Variants in NUMA1 observed in about 807,000 individuals in gnomAD.
NUMA1 encodes nuclear mitotic apparatus protein 1.
A neutral mutation model predicts 237.1 loss-of-function variants in NUMA1; 62 were observed. The observed-to-expected ratio is 0.26, with a 90% CI of 0.21 to 0.32. The LOEUF (loss-of-function observed/expected upper bound fraction) is 0.32, where lower values mean the gene tolerates loss of function less well. Among genes scored for constraint, NUMA1 ranks in the 10% least tolerant of loss-of-function variants. NUMA1 has a pLI of 1.00. For synonymous variants in NUMA1, 1,028 were observed against 1,066.1 expected (o/e 0.96, Z 0.70); for missense variants, 2,533 against 2,666.5 (o/e 0.95, Z 1.10).
chr11:72,077,070 A>G (rs1355099432), intron 1 of NUMA1, among the ~76,000 whole-genome samples: 1 of 152,216 alleles, frequency 6.6e-6, no homozygotes, highest in Admixed American at 6.5e-5. Flanking sequence ...ACTAGAAGAT[A>G]GATATAAGGA....
At chr11:72,060,944 C>T (rs1164098675) in intron 2 of NUMA1, among the ~76,000 whole-genome samples, 4 of 152,254 alleles carry the variant, frequency 2.6e-5, no homozygotes, top group Non-Finnish European at 5.9e-5. Flanking sequence ...GTGGCGTGTG[C>T]CTGTAATCCC....
intron 26 of NUMA1, 168 bp downstream of exon 26, chr11:72,003,719 C>G (rs531620960): frequency 1.0e-6 from 1 of 972,876 alleles, no homozygotes; most frequent in Non-Finnish European, 1.6e-6. Flanking sequence ...AGAATGGGGC[C>G]ATCTGTCTTC....
rs1243981622 is a variant in NUMA1, at chr11:72,005,211, GCA to G, written c.5829+20_5829+21del. 1 of 1,572,786 alleles carries G rather than the reference GCA, an allele frequency of 6.4e-7. No individual in the cohort carries two copies. Among genetic ancestry groups the G allele is most frequent in the African/African-American group, 1.4e-5 (1 of 72,344 alleles). On this transcript the variant is annotated intron_variant, in intron 23 of 26. Transcript: ENST00000393695. Reference sequence around the variant, plus strand: ...AGGGAGGGCAGGGATGGGAGGCCCTGCACAGTGACCCCAGGCCTCACCCTGGA... The same window carrying G: ...AGGGAGGGCAGGGATGGGAGGCCCTGCAGTGACCCCAGGCCTCACCCTGGA...
Position 72,022,192 on chromosome 11 carries a change from G to A in NUMA1, c.372+147C>T, listed in dbSNP as rs1278899429. The A allele has an allele frequency of 1.2e-5, 7 of 582,378 alleles. 1 individual carries two copies. The highest frequency in any genetic ancestry group is 7.1e-5 in the South Asian group (3 of 42,256). The allele number at this position is 582,378 out of a possible 1,614,324, so 36.1% of individuals were successfully genotyped here. A position where few individuals can be genotyped will look rare whatever the true frequency, so the allele number is the denominator to read the frequency against. ...TATTTCCTCCTGCATGCTTTTCAACGTTTCCCAGACTTTCTATGATGAATG... is the reference window on the plus strand; with the variant it reads ...TATTTCCTCCTGCATGCTTTTCAACATTTCCCAGACTTTCTATGATGAATG... On this transcript the variant is annotated intron_variant, in intron 7 of 26. Coordinates refer to ENST00000393695, the MANE Select transcript of NUMA1 (RefSeq NM_006185.4).
Position 72,013,452 on chromosome 11 carries a change from T to C in NUMA1, c.4051A>G (p.Thr1351Ala), listed in dbSNP as rs752450219. The change falls in exon 15 of 27, where the codon ACC becomes GCC. Residue 1351 changes from threonine to alanine, a missense_variant. By Grantham distance (58) the Thr-to-Ala change is moderately conservative (BLOSUM62 0). Coordinates refer to ENST00000393695, the MANE Select transcript of NUMA1 (RefSeq NM_006185.4). This position sits in a 1 kb window ranked among gnomAD's most constrained non-coding sequence, Gnocchi z 6.8. ...TCACTCACCAGGGCCTGTGTGCTGG[T>C]GTGCTCGAGCTGCAGGGTGGAGAGG... is the stretch of plus-strand genomic sequence containing the variant. ...QALSTLQLEHTSTQALVSELL... is the reference protein window; with the variant it reads ...QALSTLQLEHASTQALVSELL... The C allele has an allele frequency of 6.8e-6, 11 of 1,613,220 alleles. No homozygotes were observed. The highest frequency in any genetic ancestry group is 3.3e-5 in the Admixed American group (2 of 60,016).
chr11:72,078,209 T>C (rs1246622778), intron 1 of NUMA1, among the ~76,000 whole-genome samples: 2 of 152,186 alleles, frequency 1.3e-5, no homozygotes, highest in Non-Finnish European at 2.9e-5. Context: ...TTGTTCAGCT[T>C]AGAGATGGAT....
chr11:72,003,944 G>A lies in NUMA1; in HGVS notation c.6279C>T (p.Thr2093=), dbSNP rs114134799. The A allele has an allele frequency of 8.0e-4, 1,283 of 1,613,646 alleles. 3 individuals carry two copies. The African/African-American group carries it at 0.015, about 19-fold the overall frequency. ...GTRRSPRIAT[T]TASAATAAAI... ...CGGCAGCAGTGGCGGCGCTGGCTGT[G>A]GTGGTGGCAATGCGCGGAGAACGGC... The change falls in exon 26 of 27, where the codon ACC becomes ACT. Residue 2093 remains threonine (T), a synonymous_variant. Transcript: ENST00000393695.
chr11:72,012,844 C>CGCT lies in NUMA1; in HGVS notation c.4608+50_4608+51insAGC, dbSNP rs753595375. The CGCT allele has an allele frequency of 7.6e-6, 12 of 1,584,372 alleles. No individual in the cohort carries two copies. In the South Asian group the frequency reaches 1.2e-4, roughly 15 times the overall value. On this transcript the variant is annotated intron_variant, in intron 15 of 26. Coordinates refer to ENST00000393695, the MANE Select transcript of NUMA1 (RefSeq NM_006185.4). Reference sequence around the variant, plus strand: ...CCTGGACACAGAGGATCGATGTCCCCGCGCTCTCAGCTCCTGATCTTTGGG... The same window carrying CGCT: ...CCTGGACACAGAGGATCGATGTCCCCGCTGCGCTCTCAGCTCCTGATCTTTGGG...
At chr11:72,033,413 C>A (rs1227393810) in intron 3 of NUMA1, among the ~76,000 whole-genome samples, 1 of 149,098 alleles carries the variant, frequency 6.7e-6, no homozygotes, top group Admixed American at 6.9e-5. Flanking sequence ...ACTCTATTGT[C>A]CAGGCCGGAG....
In NUMA1 at chr11:72,016,482, G is replaced by T; in HGVS notation, c.1168C>A (p.Leu390Met). The change falls in exon 14 of 27, where the codon CTG becomes ATG. Residue 390 changes from leucine to methionine, a missense_variant. By Grantham distance (15) the Leu-to-Met change is conservative (BLOSUM62 2). This residue lies in a region of NUMA1 where 1,414 missense variants were observed against 1,508.1 expected (regional missense o/e 0.94). Coordinates refer to ENST00000393695, the MANE Select transcript of NUMA1 (RefSeq NM_006185.4). ...TGCAGCTGGGACAAGTGTTCTTCCA[G>T]CTGTGAAAGTTTTCCCTGAAGGATT... ...NEILQGKLSQ[L>M]EEHLSQLQDN... The T allele has an allele frequency of 1.2e-6, 2 of 1,614,098 alleles. No individual in the cohort carries two copies. The highest frequency in any genetic ancestry group is 1.7e-6 in the Non-Finnish European group (2 of 1,180,032).
At chr11:72,009,701 A>G (rs1956014574) in intron 17 of NUMA1, among the ~76,000 whole-genome samples, 1 of 134,686 alleles carries the variant, frequency 7.4e-6, no homozygotes, top group African/African-American at 2.8e-5. Context: ...AAGGGAACCA[A>G]TCCTCAGGGA....
rs1955392814 is a variant in NUMA1 at position 72,003,382 on chromosome 11, G to GCATCA, written c.*144_*145insTGATG. 2 of 790,844 alleles carry GCATCA rather than the reference G, an allele frequency of 2.5e-6. No homozygotes were observed. The highest frequency in any genetic ancestry group is 4.4e-6 in the Non-Finnish European group (2 of 454,798). 49.0% of individuals were successfully genotyped at this position (790,844 alleles called of 1,614,324 possible). On this transcript the variant is annotated 3_prime_UTR_variant, in exon 27 of 27. Coordinates refer to ENST00000393695, the MANE Select transcript of NUMA1 (RefSeq NM_006185.4). ...AGTGAAGGACCAGGGACCAGGCCAGGGTGCGGGCAGGCATCACTGTCTCTA... is the reference window on the plus strand; with the variant it reads ...AGTGAAGGACCAGGGACCAGGCCAGGCATCAGTGCGGGCAGGCATCACTGTCTCTA...
chr11:72,042,439 A>G (rs1354493481), intron 2 of NUMA1, among the ~76,000 whole-genome samples: 1 of 152,262 alleles, frequency 6.6e-6, no homozygotes, highest in African/African-American at 2.4e-5. Context: ...AAAGCTGTAA[A>G]GAAAAATTCT....
intron 2 of NUMA1, among the ~76,000 whole-genome samples, chr11:72,051,232 C>CA (rs1942344810): frequency 6.6e-6 from 1 of 152,126 alleles, no homozygotes; most frequent in African/African-American, 2.4e-5. Context: ...TGATCACCAT[C>CA]AGAGAAAATA....
In NUMA1 at chr11:72,015,211, G is replaced by A; in HGVS notation, c.2292C>T (p.Arg764=). 6.2e-7 allele frequency: 1 copy of A among 1,613,442 alleles called. No homozygotes were observed. Among genetic ancestry groups the A allele is most frequent in the Non-Finnish European group, 8.5e-7 (1 of 1,180,032 alleles). ...RKELEEERAG[R]KGLEARLQQL... ...GCTGTAATCGAGCCTCCAGCCCCTT[G>A]CGCCCAGCCCTCTCTTCTTCCAGCT... is the stretch of plus-strand genomic sequence containing the variant. The change falls in exon 15 of 27, where the codon CGC becomes CGT. Residue 764 remains arginine, a synonymous_variant. Transcript: ENST00000393695. This position sits in a 1 kb window ranked among gnomAD's most constrained non-coding sequence, Gnocchi z 4.0.
chr11:72,060,758 AC>A (rs1942895891), intron 2 of NUMA1, among the ~76,000 whole-genome samples: 1 of 151,996 alleles, frequency 6.6e-6, no homozygotes, highest in African/African-American at 2.4e-5. Context: ...GCTTAGCGAG[AC>A]CCCATCTCTA....
At chr11:72,079,605 G>A (rs972158831) in intron 1 of NUMA1, among the ~76,000 whole-genome samples, 7 of 152,028 alleles carry the variant, frequency 4.6e-5, no homozygotes, top group African/African-American at 1.4e-4. Flanking sequence ...AGAGGCGGCA[G>A]CATCAACCCA....
chr11:72,049,559 TAATATATATA>T (rs1482233051), intron 2 of NUMA1: 238 of 6,874 alleles, frequency 0.035, 58 homozygotes, highest in Admixed American at 0.07. Context: ...AAAATAATAA[TAATATATATA>T]TATATATATA....
chr11:72,014,314 G>A lies in NUMA1; in HGVS notation c.3189C>T (p.Asp1063=), dbSNP rs376749234. Residue 1063 remains aspartate, a synonymous_variant, in exon 15 of 27, where the codon GAC becomes GAT. Coordinates refer to ENST00000393695, the MANE Select transcript of NUMA1 (RefSeq NM_006185.4). The surrounding 1 kb of genome is among the most constrained non-coding windows in gnomAD (Gnocchi z 4.6). ...GACCACGAAGCTTGGCCAACTCCTG[G>A]TCCTTGCCTTCCTTTTCCGTCAGGG... ...AHALTEKEGK[D]QELAKLRGLE... The A allele has an allele frequency of 1.5e-5, 25 of 1,613,756 alleles. No homozygotes were observed. Among genetic ancestry groups the A allele is most frequent in the African/African-American group, 2.7e-5 (2 of 74,916 alleles).
Sources: gnomAD v4.1 joint callset for allele counts (sites outside exome capture counted in the v4.1 genomes callset) on GRCh38, gnomAD v4.1.1 for gene constraint, gnomAD v4.1.1 regional missense constraint, Gnocchi (gnomAD v3.1) non-coding constraint, MANE v1.5 for transcripts, NCBI Gene and HGNC (gene_info 2026-07-23, HGNC 2026-07-21) for gene names.